Variants in C8orf34 observed in about 807,000 individuals in gnomAD.
C8orf34 encodes chromosome 8 open reading frame 34.
A neutral mutation model predicts 68.3 loss-of-function variants in C8orf34; 65 were observed. That is an observed-to-expected ratio of 0.95 (90% CI 0.78 to 1.17). The LOEUF (loss-of-function observed/expected upper bound fraction) is 1.17, where lower values mean the gene tolerates loss of function less well. C8orf34 is among the 50% of genes most tolerant of loss of function. The pLI is 0.00. For synonymous variants in C8orf34, 244 were observed against 241.2 expected (o/e 1.01, Z -0.11); for missense variants, 664 against 655.4 (o/e 1.01, Z -0.14).
At chr8:68,575,717 A>T (rs926919216) in intron 7 of C8orf34, among the ~76,000 whole-genome samples, 3 of 152,034 alleles carry the variant, frequency 2.0e-5, no homozygotes, top group African/African-American at 4.8e-5. Flanking sequence ...TTGAGAGTGA[A>T]CAGGGCCAGT....
At chr8:68,638,318 C>CT (rs138393548) in intron 7 of C8orf34, among the ~76,000 whole-genome samples, 29,555 of 141,144 alleles carry the variant, frequency 0.21, 2,937 homozygotes, top group Admixed American at 0.27. Flanking sequence ...TTTTTTTTTT[C>CT]TTTTTTTTTT....
chr8:68,528,966 G>A (rs1563510186), intron 6 of C8orf34, among the ~76,000 whole-genome samples: 1 of 152,186 alleles, frequency 6.6e-6, no homozygotes, highest in African/African-American at 2.4e-5. Context: ...CCTAGGGCAA[G>A]CTCCTCCACT....
chr8:68,394,513 A>G (rs567938440), intron 1 of C8orf34, among the ~76,000 whole-genome samples: 1 of 152,090 alleles, frequency 6.6e-6, no homozygotes, highest in African/African-American at 2.4e-5. Context: ...GTTGGTTCCA[A>G]GTCTTTGCTA....
At chr8:68,640,938 A>G (rs1818988219) in intron 8 of C8orf34, among the ~76,000 whole-genome samples, 1 of 152,200 alleles carries the variant, frequency 6.6e-6, no homozygotes, top group Non-Finnish European at 1.5e-5. Flanking sequence ...TCCTGGAAAG[A>G]ATTTAATCAG....
chr8:68,711,207 C>T lies in C8orf34; in HGVS notation c.1327+2128C>T, dbSNP rs145789952. 2.9e-4 allele frequency among the ~76,000 whole-genome samples: 44 copies of T among 152,122 alleles called. 1 individual carries two copies. The highest frequency in any genetic ancestry group is 2.7e-3 in the East Asian group (14 of 5,150). ...TACATCTTCCTTCTAACATAGTCTG[C>T]GCAAATTATAAGGAACCAGTAAAAC... On this transcript the variant is annotated intron_variant, in intron 9 of 13. Transcript: ENST00000518698.
rs1374216007 is a variant in C8orf34 at position 68,533,069 on chromosome 8, CTTT to C, written c.1027_1029del (p.Phe343del). 1 of 1,613,008 alleles carries C rather than the reference CTTT, an allele frequency of 6.2e-7. No individual in the cohort carries two copies. Among genetic ancestry groups the C allele is most frequent in the Non-Finnish European group, 8.5e-7 (1 of 1,179,246 alleles). On this transcript the variant is annotated inframe_deletion, in exon 7 of 14. Coordinates refer to ENST00000518698, the MANE Select transcript of C8orf34 (RefSeq NM_052958.4). ...CTGGCCGCAATGCTCTCTCAAGATTCTTTTGAGTCCATCCACAGCCCTACCCCA... is the reference window on the plus strand; with the variant it reads ...CTGGCCGCAATGCTCTCTCAAGATTCTGAGTCCATCCACAGCCCTACCCCA...
intron 10 of C8orf34, among the ~76,000 whole-genome samples, chr8:68,742,164 T>C (rs1822314130): frequency 6.6e-6 from 1 of 152,180 alleles, no homozygotes; most frequent in Non-Finnish European, 1.5e-5. Context: ...TTGATTTCCC[T>C]AAGAACTCCA....
chr8:68,768,179 C>A (rs997572591), intron 10 of C8orf34, among the ~76,000 whole-genome samples: 1 of 152,134 alleles, frequency 6.6e-6, no homozygotes, highest in Non-Finnish European at 1.5e-5. Context: ...CATGAGAGCT[C>A]CTTCAAGTTT....
At chr8:68,756,958 A>G (rs1306965103) in intron 10 of C8orf34, among the ~76,000 whole-genome samples, 2 of 152,180 alleles carry the variant, frequency 1.3e-5, no homozygotes, top group African/African-American at 4.8e-5. Context: ...TAAATGATTT[A>G]CACATAGGGT....
At chr8:68,552,512 T>C (rs1816106832) in intron 7 of C8orf34, among the ~76,000 whole-genome samples, 1 of 152,178 alleles carries the variant, frequency 6.6e-6, no homozygotes, top group Non-Finnish European at 1.5e-5. Context: ...TAGAACATAA[T>C]TCATTTTGTA....
intron 9 of C8orf34, among the ~76,000 whole-genome samples, chr8:68,715,949 A>G (rs558257927): frequency 1.3e-5 from 2 of 152,184 alleles, no homozygotes; most frequent in Admixed American, 6.6e-5. Flanking sequence ...GATAAAGAAA[A>G]TATGATATAT....
rs1031108673 is a variant in C8orf34, at chr8:68,343,594, T to A, written c.327+12255T>A. Among the ~76,000 whole-genome samples, 17 of 32,674 alleles carry A rather than the reference T, an allele frequency of 5.2e-4. No individual in the cohort carries two copies. The East Asian group carries it at 0.013, about 24-fold the overall frequency. 21.4% of individuals were successfully genotyped at this position (32,674 alleles called of 152,430 possible). On this transcript the variant is annotated intron_variant, in intron 1 of 13. Coordinates refer to ENST00000518698, the MANE Select transcript of C8orf34 (RefSeq NM_052958.4). Reference sequence around the variant, plus strand: ...CAGATGATGCTGTATGCCTAGCTAATTTTTTTTTTTTTTTTTTAAGACAGA... The same window carrying A: ...CAGATGATGCTGTATGCCTAGCTAAATTTTTTTTTTTTTTTTTAAGACAGA...
intron 10 of C8orf34, among the ~76,000 whole-genome samples, chr8:68,774,195 A>T (rs1170896816): frequency 3.3e-5 from 5 of 151,990 alleles, no homozygotes; most frequent in Non-Finnish European, 7.3e-5. Flanking sequence ...TAAAGGACTG[A>T]CTGGTTCTGT....
At chr8:68,488,618 T>C (rs1813178246) in intron 5 of C8orf34, among the ~76,000 whole-genome samples, 2 of 152,154 alleles carry the variant, frequency 1.3e-5, no homozygotes, top group Admixed American at 1.3e-4. Flanking sequence ...CAGTCAATGA[T>C]GGATTGCTAG....
intron 8 of C8orf34, among the ~76,000 whole-genome samples, chr8:68,707,599 A>T (rs997850772): frequency 6.6e-6 from 1 of 152,116 alleles, no homozygotes; most frequent in East Asian, 1.9e-4. Context: ...TTTTAGAGAC[A>T]GGGGCTCACT....
rs560966312 is a variant in C8orf34, at chr8:68,625,846, G to A, written c.1106-14530G>A. ...CATGAGATAGAAATAAAGGAAGTTT[G>A]GAGGGGAGATGATAAGGATAGCTAT... is the stretch of plus-strand genomic sequence containing the variant. On this transcript the variant is annotated intron_variant, in intron 7 of 13. Transcript: ENST00000518698. Among the ~76,000 whole-genome samples, 3 of 152,286 alleles carry A rather than the reference G, an allele frequency of 2.0e-5. No individual in the cohort carries two copies. In the South Asian group the frequency reaches 6.2e-4, roughly 32 times the overall value.
At chr8:68,790,648 C>T (rs762924008) in intron 12 of C8orf34, among the ~76,000 whole-genome samples, 13 of 151,830 alleles carry the variant, frequency 8.6e-5, no homozygotes, top group Non-Finnish European at 1.8e-4. Context: ...TTTTTCTTTG[C>T]TTTTAATTAA....
At chr8:68,717,692 A>G (rs1821517303) in intron 9 of C8orf34, among the ~76,000 whole-genome samples, 1 of 152,142 alleles carries the variant, frequency 6.6e-6, no homozygotes, top group Non-Finnish European at 1.5e-5. Context: ...TAGATGTGAT[A>G]TATTTTACAT....
rs75809526 is a variant in C8orf34, at chr8:68,523,755, C to G, written c.938+1784C>G. Among the ~76,000 whole-genome samples, 347 of 152,160 alleles carry G rather than the reference C, an allele frequency of 2.3e-3. 6 individuals carry two copies. The East Asian group carries it at 0.041, about 18-fold the overall frequency. The stretch of plus-strand genomic sequence containing the variant: ...CGCATTAGATTTGATTTGGATCAAG[C>G]AGAAAGGGTTGGAGAAAATTTTTTA... On this transcript the variant is annotated intron_variant, in intron 6 of 13. Transcript: ENST00000518698.
Sources: gnomAD v4.1 joint callset for allele counts (sites outside exome capture counted in the v4.1 genomes callset) on GRCh38, gnomAD v4.1.1 for gene constraint, MANE v1.5 for transcripts, NCBI Gene and HGNC (gene_info 2026-07-23, HGNC 2026-07-21) for gene names.